CNTRL: variants seen among roughly 807,000 people sequenced by gnomAD.
CNTRL encodes the protein 110 kDa centrosomal protein.
CNTRL carries 233 observed loss-of-function variants against 303.7 expected under a neutral mutation model. The observed-to-expected ratio is 0.77, with a 90% CI of 0.69 to 0.86. The LOEUF is 0.86. CNTRL is among the 40% of genes least tolerant of loss of function. The pLI, the probability that CNTRL is intolerant of heterozygous loss-of-function variation, is 0.00. For missense variants in CNTRL, 2,524 were observed against 2,650.6 expected (o/e 0.95, Z 1.05); for synonymous variants, 900 against 922.2 (o/e 0.98, Z 0.44).
intron 14 of CNTRL, among the ~76,000 whole-genome samples, chr9:121,130,241 C>A (rs1001771710): frequency 6.6e-6 from 1 of 152,164 alleles, no homozygotes; most frequent in African/African-American, 2.4e-5. Flanking sequence ...TAGAATTCAG[C>A]TGTGAATCCA....
intron 38 of CNTRL, among the ~76,000 whole-genome samples, chr9:121,169,102 A>G (rs913495264): frequency 3.3e-5 from 5 of 152,226 alleles, no homozygotes; most frequent in African/African-American, 7.2e-5. Context: ...TCGAGTACTC[A>G]CTATGTACCA....
At chr9:121,137,613 A>C (rs981783296) in intron 15 of CNTRL, among the ~76,000 whole-genome samples, 1 of 152,204 alleles carries the variant, frequency 6.6e-6, no homozygotes, top group Non-Finnish European at 1.5e-5. Flanking sequence ...ATCACTTGAC[A>C]GTTGTCAGGA....
intron 38 of CNTRL, among the ~76,000 whole-genome samples, chr9:121,169,199 T>C (rs1048788341): frequency 3.9e-5 from 6 of 152,236 alleles, no homozygotes; most frequent in Admixed American, 3.9e-4. Context: ...AGGAGCCAGC[T>C]CCAAATCCTG....
chr9:121,080,754 A>G (rs759451140), intron 2 of CNTRL, among the ~76,000 whole-genome samples: 2 of 152,150 alleles, frequency 1.3e-5, no homozygotes, highest in Non-Finnish European at 2.9e-5. Flanking sequence ...TATTAGTGTA[A>G]TCTCTCCTTT....
At chr9:121,154,998 T>A in intron 27 of CNTRL, 85 bp downstream of exon 27, 2 of 1,205,930 alleles carry the variant, frequency 1.7e-6, no homozygotes, top group Non-Finnish European at 2.5e-6. Flanking sequence ...AGAGAATGTG[T>A]GTGATAAGAG....
At chr9:121,164,029 T>A (rs1167215773) in intron 34 of CNTRL, among the ~76,000 whole-genome samples, 1 of 152,052 alleles carries the variant, frequency 6.6e-6, no homozygotes, top group Non-Finnish European at 1.5e-5. Context: ...CACGCCTGGC[T>A]AATTTTTTGT....
chr9:121,106,740 G>A (rs749695326), intron 7 of CNTRL, among the ~76,000 whole-genome samples: 8 of 152,056 alleles, frequency 5.3e-5, no homozygotes, highest in Non-Finnish European at 7.4e-5. Context: ...AATTTCATAT[G>A]GTTTGATCCA....
intron 8 of CNTRL, among the ~76,000 whole-genome samples, chr9:121,109,857 A>G (rs116172635): frequency 1.1e-3 from 165 of 152,250 alleles, no homozygotes; most frequent in African/African-American, 3.9e-3. Flanking sequence ...TGAGTATTGC[A>G]TATATATTTA....
chr9:121,084,462 T>A (rs1016348857), intron 2 of CNTRL, among the ~76,000 whole-genome samples: 25 of 152,158 alleles, frequency 1.6e-4, no homozygotes, highest in African/African-American at 5.6e-4. Flanking sequence ...TTTGCTAGGC[T>A]CTGTTCGAGG....
In CNTRL at chr9:121,158,909, A is replaced by G. The variant is rs757087159; in HGVS notation, c.4819A>G (p.Lys1607Glu). The part of the protein sequence containing the change: ...AVLDRQLGHK[K>E]EELHLLQGSM... ...CTTGGACAGGCAGTTAGGGCATAAA[A>G]AGGAGGAGCTGCATCTACTCCAAGG... The change falls in exon 31 of 44, where the codon AAG (lysine) becomes GAG (glutamate). Residue 1607 changes from lysine (K) to glutamate (E), a missense_variant. By Grantham distance (56) the Lys-to-Glu change is moderately conservative. Transcript: ENST00000373855. 5 of 1,614,134 alleles carry G rather than the reference A, an allele frequency of 3.1e-6. No homozygotes were observed. The highest frequency in any genetic ancestry group is 4.2e-6 in the Non-Finnish European group (5 of 1,180,006).
In CNTRL at chr9:121,160,260, A is replaced by G. The variant is rs780898819; in HGVS notation, c.5047A>G (p.Asn1683Asp). The G allele has an allele frequency of 2.6e-6, 4 of 1,555,058 alleles. No individual in the cohort carries two copies. The Admixed American group carries it at 8.3e-5, about 32-fold the overall frequency. The change falls in exon 32 of 44, where the codon AAT becomes GAT. Residue 1683 changes from asparagine (N) to aspartate (D), a missense_variant. Asn to Asp is a conservative substitution (Grantham distance 23). Coordinates refer to ENST00000373855, the MANE Select transcript of CNTRL (RefSeq NM_007018.6). Reference sequence around the variant, plus strand: ...GCAGGAAATTGAAAAAGAGGAAGAAAATCTTCAGGTTGTTTTAAGGCAGAT... The same window carrying G: ...GCAGGAAATTGAAAAAGAGGAAGAAGATCTTCAGGTTGTTTTAAGGCAGAT... ...IKQEIEKEEENLQVVLRQMSK... is the reference protein window; with the variant it reads ...IKQEIEKEEEDLQVVLRQMSK...
At chr9:121,158,346 T>C (rs2052685216) in intron 30 of CNTRL, among the ~76,000 whole-genome samples, 1 of 152,244 alleles carries the variant, frequency 6.6e-6, no homozygotes, top group Non-Finnish European at 1.5e-5. Flanking sequence ...TCAACACTTA[T>C]GGTTGTATTT....
Position 121,171,401 on chromosome 9 carries a change from G to A in CNTRL, c.6277-7G>A. The A allele has an allele frequency of 6.2e-7, 1 of 1,613,854 alleles. No individual in the cohort carries two copies. Among genetic ancestry groups the A allele is most frequent in the Non-Finnish European group, 8.5e-7 (1 of 1,179,806 alleles). On this transcript the variant is annotated splice_polypyrimidine_tract_variant and splice_region_variant and intron_variant, in intron 39 of 43. Coordinates refer to ENST00000373855, the MANE Select transcript of CNTRL (RefSeq NM_007018.6). ...ATCGCAGAGTTATTTTCTTCCTCCT[G>A]TGCTAGGAGCAAAAACAGGAGAACA... is the stretch of plus-strand genomic sequence containing the variant.
rs558177319 is a variant in CNTRL at position 121,123,107 on chromosome 9, G to A, written c.1651-824G>A. Among the ~76,000 whole-genome samples, 6 of 151,908 alleles carry A rather than the reference G, an allele frequency of 3.9e-5. No homozygotes were observed. The South Asian group carries it at 1.0e-3, about 26-fold the overall frequency. On this transcript the variant is annotated intron_variant, in intron 12 of 43. Transcript: ENST00000373855. ...TAGATTTAATTTTTTTATTAAAAAG[G>A]CATTACTTATCTACTATAAAAGTTT...
chr9:121,078,940 CTT>C (rs1344709119), intron 1 of CNTRL, among the ~76,000 whole-genome samples: 2 of 152,164 alleles, frequency 1.3e-5, no homozygotes, highest in Non-Finnish European at 2.9e-5. Flanking sequence ...CAAACCCAGT[CTT>C]TTAACTTTTT....
chr9:121,137,380 GCTCA>G (rs2051255458), intron 15 of CNTRL, among the ~76,000 whole-genome samples: 1 of 152,144 alleles, frequency 6.6e-6, no homozygotes, highest in African/African-American at 2.4e-5. Flanking sequence ...TAGACTCAGA[GCTCA>G]GTGAATGCCC....
At position 121,173,932 on chromosome 9, in the gene CNTRL, C is replaced by CT. The variant is rs138561812; in HGVS notation, c.6747+197dup. ...TGGCAATCAGTGTTCAAAACCATGACTTCTTGTGTTGACTCCAGTGTTCTT... is the reference window on the plus strand; with the variant it reads ...TGGCAATCAGTGTTCAAAACCATGACTTTCTTGTGTTGACTCCAGTGTTCTT... On this transcript the variant is annotated intron_variant, in intron 42 of 43. Coordinates refer to ENST00000373855, the MANE Select transcript of CNTRL (RefSeq NM_007018.6). 7.3e-3 allele frequency among the ~76,000 whole-genome samples: 1,115 copies of CT among 152,296 alleles called. 12 individuals carry two copies. Among genetic ancestry groups the CT allele is most frequent in the African/African-American group, 0.025 (1,054 of 41,562 alleles).
chr9:121,121,917 C>T (rs780330114), intron 12 of CNTRL: 5 of 985,258 alleles, frequency 5.1e-6, no homozygotes, highest in African/African-American at 1.7e-5. Context: ...CTGTTCTCAA[C>T]GGCTCAGTTT....
chr9:121,124,618 A>G (rs374927706), intron 13 of CNTRL, among the ~76,000 whole-genome samples: 2 of 151,938 alleles, frequency 1.3e-5, no homozygotes, highest in South Asian at 2.1e-4. Context: ...TATCTCAATC[A>G]TTAGTTGTTG....
Sources: gnomAD v4.1 joint callset for allele counts (sites outside exome capture counted in the v4.1 genomes callset) on GRCh38, gnomAD v4.1.1 for gene constraint, MANE v1.5 for transcripts, NCBI Gene and HGNC (gene_info 2026-07-23, HGNC 2026-07-21) for gene names.